Variants in GALNT18 observed in about 807,000 individuals in gnomAD.
GALNT18 encodes the protein GalNAc-transferase 18.
GALNT18 carries 44 observed loss-of-function variants against 69.5 expected under a neutral mutation model. The observed-to-expected ratio is 0.63, with a 90% CI of 0.50 to 0.81. GALNT18 has a LOEUF of 0.81. Ranked by LOEUF, GALNT18 falls within the 40% of genes least tolerant of loss-of-function variation. GALNT18 has a pLI of 0.00. For synonymous variants in GALNT18, 364 were observed against 318.2 expected, an observed-to-expected ratio of 1.14 and a Z score of -1.53; for missense variants, 715 against 810.0, an observed-to-expected ratio of 0.88 and a Z score of 1.42.
At chr11:11,482,249 C>T (rs1856547241) in intron 1 of GALNT18, among the ~76,000 whole-genome samples, 1 of 152,236 alleles carries the variant, frequency 6.6e-6, no homozygotes. Context: ...GAGGGGCCTG[C>T]CATCCTCCCC....
chr11:11,446,374 G>A (rs1202129064), intron 2 of GALNT18, among the ~76,000 whole-genome samples: 2 of 152,124 alleles, frequency 1.3e-5, no homozygotes, highest in East Asian at 1.9e-4. Flanking sequence ...TATGGATTGA[G>A]CTGTGCCTGT....
Position 11,591,664 on chromosome 11 carries a change from G to A in GALNT18, c.235+29695C>T, listed in dbSNP as rs1322103315. On this transcript the variant is annotated intron_variant, in intron 1 of 10. Transcript: ENST00000227756. The surrounding 1 kb of genome is among the most constrained non-coding windows in gnomAD (Gnocchi z 4.8). ...TGGAAATGCTCCCTCCTGGGTGAAT[G>A]TATGTGGTTAAAGGAGGCTGAGATA... is the stretch of plus-strand genomic sequence containing the variant. 6.6e-6 allele frequency among the ~76,000 whole-genome samples: 1 copy of A among 152,196 alleles called. No homozygotes were observed. The highest frequency in any genetic ancestry group is 6.5e-5 in the Admixed American group (1 of 15,278).
intron 1 of GALNT18, among the ~76,000 whole-genome samples, chr11:11,569,645 G>T (rs575944387): frequency 6.6e-6 from 1 of 152,240 alleles, no homozygotes; most frequent in East Asian, 1.9e-4. Flanking sequence ...CATCTGCCTG[G>T]GCAAACTGTC....
intron 3 of GALNT18, among the ~76,000 whole-genome samples, chr11:11,409,289 T>A (rs542320741): frequency 6.6e-6 from 1 of 152,216 alleles, no homozygotes; most frequent in Non-Finnish European, 1.5e-5. Context: ...ACTCAGTCAG[T>A]GTCTGGGTTC....
chr11:11,380,552 A>G (rs1853886821), intron 3 of GALNT18, among the ~76,000 whole-genome samples: 1 of 152,220 alleles, frequency 6.6e-6, no homozygotes, highest in African/African-American at 2.4e-5. Flanking sequence ...AATATAATCT[A>G]AAGTCACAAC....
At chr11:11,292,240 A>C (rs575102506) in intron 10 of GALNT18, among the ~76,000 whole-genome samples, 2 of 152,260 alleles carry the variant, frequency 1.3e-5, no homozygotes, top group East Asian at 3.9e-4. Context: ...GGAGGCAGGC[A>C]TCCCTATCTG....
In GALNT18 at chr11:11,542,533, C is replaced by G. The variant is rs998436113; in HGVS notation, c.235+78826G>C. Among the ~76,000 whole-genome samples, 10 of 152,188 alleles carry G rather than the reference C, an allele frequency of 6.6e-5. No individual in the cohort carries two copies. The highest frequency in any genetic ancestry group is 2.2e-4 in the African/African-American group (9 of 41,438). On this transcript the variant is annotated intron_variant, in intron 1 of 10. Transcript: ENST00000227756. This position sits in a 1 kb window ranked among gnomAD's most constrained non-coding sequence, Gnocchi z 4.3. ...TTCACATGCAAAGAATAATTCCTAC[C>G]ATGTCCTTGTTCCGGAAAACAGTCA... is the stretch of plus-strand genomic sequence containing the variant.
chr11:11,353,502 T>C, intron 6 of GALNT18: 1 of 299,634 alleles, frequency 3.3e-6, no homozygotes, highest in Non-Finnish European at 6.1e-6. Flanking sequence ...GCACATCTCC[T>C]GGACCATGTT....
chr11:11,474,805 G>A (rs11021872), intron 1 of GALNT18, among the ~76,000 whole-genome samples: 31,709 of 152,050 alleles, frequency 0.21, 4,027 homozygotes, highest in South Asian at 0.28. Context: ...AAACAGGGAC[G>A]CCTCAAATTC....
At position 11,454,822 on chromosome 11, in the gene GALNT18, T is replaced by A. The variant is rs1311470803; in HGVS notation, c.236-5886A>T. Among the ~76,000 whole-genome samples, 1 of 152,130 alleles carries A rather than the reference T, an allele frequency of 6.6e-6. No homozygotes were observed. Among genetic ancestry groups the A allele is most frequent in the African/African-American group, 2.4e-5 (1 of 41,426 alleles). On this transcript the variant is annotated intron_variant, in intron 1 of 10. Transcript: ENST00000227756. This position sits in a 1 kb window ranked among gnomAD's most constrained non-coding sequence, Gnocchi z 4.2. Reference sequence around the variant, plus strand: ...TCCTGAGTCTCCTCAGTCTCCAAGGTGCTCATTACAGAAATCCTCACCATC... The same window carrying A: ...TCCTGAGTCTCCTCAGTCTCCAAGGAGCTCATTACAGAAATCCTCACCATC...
In GALNT18 at chr11:11,497,327, A is replaced by AACACACACACACACACACACACACAC. The variant is rs61001797; in HGVS notation, c.236-48417_236-48392dup. Among the ~76,000 whole-genome samples the AACACACACACACACACACACACACAC allele has an allele frequency of 9.8e-5, 13 of 132,228 alleles. No individual in the cohort carries two copies. The highest frequency in any genetic ancestry group is 5.6e-4 in the South Asian group (2 of 3,564). The allele number at this position is 132,228 out of a possible 152,430, so 86.7% of individuals were successfully genotyped here. A position where few individuals can be genotyped will look rare whatever the true frequency, so the allele number is the denominator to read the frequency against. On this transcript the variant is annotated intron_variant, in intron 1 of 10. Transcript: ENST00000227756. The surrounding 1 kb of genome is among the most constrained non-coding windows in gnomAD (Gnocchi z 4.2). ...TATTTATGTTTTACCTCCTGTCTCCAACACACACACACACACACACACACA... is the reference window on the plus strand; with the variant it reads ...TATTTATGTTTTACCTCCTGTCTCCAACACACACACACACACACACACACACACACACACACACACACACACACACA...
At position 11,271,252 on chromosome 11, in the gene GALNT18, C is replaced by T. The variant is rs531874886; in HGVS notation, c.1716G>A (p.Leu572=). 8 of 1,614,118 alleles carry T rather than the reference C, an allele frequency of 5.0e-6. No homozygotes were observed. In the South Asian group the frequency reaches 6.6e-5, roughly 13 times the overall value. The change falls in exon 11 of 11, where the codon CTG becomes CTA. Residue 572 remains leucine, a synonymous_variant. Transcript: ENST00000227756. The stretch of plus-strand genomic sequence containing the variant: ...CCAGGTCGCTATTCTCCTGCAGCTC[C>T]AGACAGCGCTTAGACTTGCGGTTCT... ...PIQNRKSKRC[L]ELQENSDLEF...
In GALNT18 at chr11:11,619,666, T is replaced by C. The variant is rs769237359; in HGVS notation, c.235+1693A>G. Among the ~76,000 whole-genome samples the C allele has an allele frequency of 6.6e-6, 1 of 152,194 alleles. No individual in the cohort carries two copies. Among genetic ancestry groups the C allele is most frequent in the Non-Finnish European group, 1.5e-5 (1 of 68,018 alleles). On this transcript the variant is annotated intron_variant, in intron 1 of 10. Transcript: ENST00000227756. This position sits in a 1 kb window ranked among gnomAD's most constrained non-coding sequence, Gnocchi z 4.9. ...TGTCGGCAAACTAGAAATGTCAAAG[T>C]AAGGCATGGCTTTGTGTCTCCTGGG...
At chr11:11,458,850 A>G (rs1170638546) in intron 1 of GALNT18, among the ~76,000 whole-genome samples, 1 of 152,202 alleles carries the variant, frequency 6.6e-6, no homozygotes. Context: ...AGCCAAAGCC[A>G]GGCACTGAGA....
chr11:11,429,956 G>C (rs764757242), intron 3 of GALNT18, among the ~76,000 whole-genome samples: 13 of 151,940 alleles, frequency 8.6e-5, no homozygotes, highest in Non-Finnish European at 1.6e-4. Context: ...GCTACCCAAC[G>C]TAGTGAGACT....
chr11:11,410,043 C>T (rs1446184988), intron 3 of GALNT18, among the ~76,000 whole-genome samples: 5 of 151,888 alleles, frequency 3.3e-5, no homozygotes, highest in African/African-American at 9.7e-5. Flanking sequence ...CCGCCTCTCC[C>T]CACCCTTCTT....
intron 1 of GALNT18, among the ~76,000 whole-genome samples, chr11:11,517,729 G>T (rs868766363): frequency 1.4e-4 from 22 of 152,046 alleles, no homozygotes; most frequent in African/African-American, 4.6e-4. Flanking sequence ...AGTCCCGGTG[G>T]CCTGTCCTTG....
At chr11:11,336,183 T>C (rs144679941) in intron 7 of GALNT18, among the ~76,000 whole-genome samples, 3 of 152,282 alleles carry the variant, frequency 2.0e-5, no homozygotes, top group Non-Finnish European at 4.4e-5. Flanking sequence ...TAAGAAAATA[T>C]TGATGTTTTG....
At chr11:11,560,972 C>A (rs1383234084) in intron 1 of GALNT18, among the ~76,000 whole-genome samples, 1 of 152,206 alleles carries the variant, frequency 6.6e-6, no homozygotes, top group African/African-American at 2.4e-5. Context: ...GTTCACACTT[C>A]TGCCATGGAA....
Sources: allele counts gnomAD v4.1 joint callset (sites outside exome capture counted in the v4.1 genomes callset), GRCh38; gene constraint gnomAD v4.1.1; non-coding constraint Gnocchi (gnomAD v3.1); transcripts MANE v1.5; gene names NCBI Gene and HGNC (gene_info 2026-07-23, HGNC 2026-07-21).